PTPRT: variants seen among roughly 807,000 people sequenced by gnomAD.
PTPRT encodes the protein protein tyrosine phosphatase receptor type T, also known as receptor-type tyrosine-protein phosphatase T.
In PTPRT, 56 loss-of-function variants were observed where a neutral mutation model predicts 176.8. The observed-to-expected ratio is 0.32, with a 90% CI of 0.26 to 0.40. PTPRT has a LOEUF of 0.40. Ranked by LOEUF, PTPRT falls within the 10% of genes least tolerant of loss-of-function variation. The pLI is 1.00. For synonymous variants in PTPRT, 783 were observed against 739.0 expected, an observed-to-expected ratio of 1.06 and a Z score of -0.96; for missense variants, 1,540 against 1,908.2, an observed-to-expected ratio of 0.81 and a Z score of 3.60.
At chr20:42,725,215 C>T (rs578196875) in intron 6 of PTPRT, among the ~76,000 whole-genome samples, 10 of 151,604 alleles carry the variant, frequency 6.6e-5, no homozygotes, top group South Asian at 2.1e-4. Flanking sequence ...TTAGTAGAGA[C>T]GGGGTTTCAC....
chr20:42,950,121 C>T (rs1981146919), intron 1 of PTPRT, among the ~76,000 whole-genome samples: 4 of 152,166 alleles, frequency 2.6e-5, no homozygotes. Flanking sequence ...TAATCATTAA[C>T]CATCCCCAAG....
chr20:42,614,529 C>A (rs183460051), intron 7 of PTPRT, among the ~76,000 whole-genome samples: 1 of 146,728 alleles, frequency 6.8e-6, no homozygotes, highest in Non-Finnish European at 1.5e-5. Flanking sequence ...CGAGCTAACA[C>A]TCCTTTGTCA....
intron 11 of PTPRT, among the ~76,000 whole-genome samples, chr20:42,331,512 T>C (rs909035851): frequency 6.6e-6 from 1 of 152,134 alleles, no homozygotes; most frequent in Non-Finnish European, 1.5e-5. Context: ...AATTACTAAT[T>C]AAGCATTAAA....
At chr20:42,572,628 T>C (rs764985928) in intron 7 of PTPRT, among the ~76,000 whole-genome samples, 12 of 152,256 alleles carry the variant, frequency 7.9e-5, no homozygotes. Flanking sequence ...CCACTTCTCA[T>C]GCATTCCCAT....
At chr20:42,780,366 C>T (rs2077197506) in intron 3 of PTPRT, 67 bp from the exon 4 acceptor site, 2 of 1,266,244 alleles carry the variant, frequency 1.6e-6, no homozygotes, top group African/African-American at 2.9e-5. Flanking sequence ...AAGAAGCTGC[C>T]CGGCCCCCAG....
At chr20:42,886,183 A>C (rs1413421168) in intron 1 of PTPRT, among the ~76,000 whole-genome samples, 1 of 152,146 alleles carries the variant, frequency 6.6e-6, no homozygotes, top group Non-Finnish European at 1.5e-5. Flanking sequence ...CATTGATTTC[A>C]ATCTTCCTTC....
intron 4 of PTPRT, among the ~76,000 whole-genome samples, chr20:42,776,173 C>T (rs2077132743): frequency 6.6e-6 from 1 of 152,196 alleles, no homozygotes; most frequent in African/African-American, 2.4e-5. Context: ...TTGGCTCTGC[C>T]TCCTAAATGG....
At chr20:42,736,544 C>G (rs1390060419) in intron 6 of PTPRT, among the ~76,000 whole-genome samples, 3 of 152,224 alleles carry the variant, frequency 2.0e-5, no homozygotes, top group East Asian at 3.9e-4. Context: ...AACCCATAAC[C>G]TAATGAACTT....
chr20:42,494,568 A>T (rs2071619727), intron 7 of PTPRT, among the ~76,000 whole-genome samples: 1 of 151,998 alleles, frequency 6.6e-6, no homozygotes, highest in Non-Finnish European at 1.5e-5. Flanking sequence ...CCCCTCCCCC[A>T]ACTATCATTT....
chr20:42,156,353 A>C (rs960221546), intron 17 of PTPRT, among the ~76,000 whole-genome samples: 6 of 152,168 alleles, frequency 3.9e-5, no homozygotes, highest in African/African-American at 1.4e-4. Flanking sequence ...GTACCCTGGA[A>C]AATGCTCCCA....
At chr20:42,953,241 G>C (rs1438996724) in intron 1 of PTPRT, among the ~76,000 whole-genome samples, 3 of 152,200 alleles carry the variant, frequency 2.0e-5, no homozygotes, top group East Asian at 3.9e-4. Flanking sequence ...AGGGTAGACA[G>C]AGCTGTGCCT....
chr20:42,883,512 G>T (rs944697635), intron 2 of PTPRT, among the ~76,000 whole-genome samples: 1 of 151,914 alleles, frequency 6.6e-6, no homozygotes, highest in Admixed American at 6.6e-5. Flanking sequence ...GGGGAAATGG[G>T]TAAATCAAGA....
At chr20:42,818,266 C>T (rs2077825941) in intron 2 of PTPRT, among the ~76,000 whole-genome samples, 1 of 151,872 alleles carries the variant, frequency 6.6e-6, no homozygotes, top group Non-Finnish European at 1.5e-5. Context: ...CAGCAAACTG[C>T]AGAAGCCCTA....
intron 11 of PTPRT, among the ~76,000 whole-genome samples, chr20:42,346,345 G>A (rs1228593632): frequency 1.3e-5 from 2 of 152,192 alleles, no homozygotes; most frequent in East Asian, 3.9e-4. Context: ...TTCTTATGAA[G>A]GTTAGTACGG....
intron 8 of PTPRT, among the ~76,000 whole-genome samples, chr20:42,448,666 G>A (rs948206723): frequency 3.9e-5 from 6 of 152,142 alleles, no homozygotes; most frequent in East Asian, 1.9e-4. Flanking sequence ...TGAGCAAGTC[G>A]GTTTATGAAC....
At chr20:42,757,919 C>T (rs1397428973) in intron 5 of PTPRT, among the ~76,000 whole-genome samples, 1 of 152,142 alleles carries the variant, frequency 6.6e-6, no homozygotes, top group Admixed American at 6.5e-5. Flanking sequence ...ATGTGCCAGC[C>T]CCTGAGCTGG....
intron 5 of PTPRT, 47 bp downstream of exon 5, chr20:42,771,388 C>T: frequency 1.3e-6 from 2 of 1,514,616 alleles, no homozygotes; most frequent in African/African-American, 1.4e-5. Flanking sequence ...CCTTCTTTTC[C>T]CTTTCTCATC....
chr20:42,612,178 G>A (rs6102946), intron 7 of PTPRT, among the ~76,000 whole-genome samples: 18,130 of 152,002 alleles, frequency 0.12, 2,661 homozygotes, highest in African/African-American at 0.35. Flanking sequence ...TTTATGTGAC[G>A]CACACAGTTC....
intron 1 of PTPRT, among the ~76,000 whole-genome samples, chr20:43,114,896 A>G (rs1203185587): frequency 2.0e-5 from 3 of 152,192 alleles, no homozygotes; most frequent in Non-Finnish European, 4.4e-5. Context: ...CTAAGGGAGT[A>G]TGTTCTGAAA....
Sources: allele counts gnomAD v4.1 joint callset (sites outside exome capture counted in the v4.1 genomes callset), GRCh38; gene constraint gnomAD v4.1.1; transcripts MANE v1.5; gene names NCBI Gene and HGNC (gene_info 2026-07-23, HGNC 2026-07-21).